Variants in NSMAF observed in about 807,000 individuals in gnomAD.
NSMAF encodes the protein neutral sphingomyelinase activation associated factor.
In NSMAF, 90 loss-of-function variants were observed where a neutral mutation model predicts 134.9. That is an observed-to-expected ratio of 0.67 (90% CI 0.56 to 0.79). NSMAF has a LOEUF of 0.79. NSMAF is among the 30% of genes least tolerant of loss of function. The pLI is 0.00. For synonymous variants in NSMAF, 358 were observed against 389.6 expected (o/e 0.92, Z 0.96); for missense variants, 1,010 against 1,119.0 (o/e 0.90, Z 1.39).
chr8:58,647,134 T>C (rs1807474062), intron 1 of NSMAF, among the ~76,000 whole-genome samples: 1 of 152,232 alleles, frequency 6.6e-6, no homozygotes, highest in African/African-American at 2.4e-5. Flanking sequence ...ATAAGAAGTG[T>C]AACCCAAACT....
rs889755772 is a variant in NSMAF at position 58,659,677 on chromosome 8, C to T, written c.-46G>A. 3.7e-6 allele frequency: 5 copies of T among 1,340,932 alleles called. No homozygotes were observed. The highest frequency in any genetic ancestry group is 4.0e-5 in the Admixed American group (1 of 24,722). 83.1% of individuals were successfully genotyped at this position (1,340,932 alleles called of 1,614,324 possible). On this transcript the variant is annotated 5_prime_UTR_variant, in exon 1 of 31. Transcript: ENST00000038176. ...CGCAGAGCGCACAGGCAGGCCCCGC[C>T]GCCGCCTGCCGAGGAGGTCCGGAGG...
At chr8:58,630,317 CTT>C (rs113530938) in intron 6 of NSMAF, among the ~76,000 whole-genome samples, 23 of 145,124 alleles carry the variant, frequency 1.6e-4, no homozygotes, top group African/African-American at 1.5e-4. Flanking sequence ...CCACCTCACC[CTT>C]TTTTTTTTTT....
intron 6 of NSMAF, among the ~76,000 whole-genome samples, chr8:58,624,615 CAAT>C (rs1258534089): frequency 6.6e-6 from 1 of 151,830 alleles, no homozygotes; most frequent in African/African-American, 2.4e-5. Context: ...AAAATATACA[CAAT>C]ATTATTTTAA....
Position 58,603,831 on chromosome 8 carries a change from T to G in NSMAF, c.869-445A>C, listed in dbSNP as rs79542143. ...AGTTTTCTTTTAGGCTTGGAAGAGA[T>G]GTACTACTGCTAATTTGTCAATGAC... is the stretch of plus-strand genomic sequence containing the variant. On this transcript the variant is annotated intron_variant, in intron 12 of 30. Coordinates refer to ENST00000038176, the MANE Select transcript of NSMAF (RefSeq NM_003580.4). Among the ~76,000 whole-genome samples the G allele has an allele frequency of 2.7e-3, 405 of 152,308 alleles. 8 individuals are homozygous for G. The highest frequency in any genetic ancestry group is 0.017 in the Admixed American group (255 of 15,292).
intron 27 of NSMAF, among the ~76,000 whole-genome samples, chr8:58,587,167 C>A (rs754154836): frequency 6.6e-6 from 1 of 152,244 alleles, no homozygotes; most frequent in African/African-American, 2.4e-5. Context: ...CAAGTGAGAA[C>A]TGAGCCAACA....
chr8:58,650,841 C>G (rs1472398535), intron 1 of NSMAF, among the ~76,000 whole-genome samples: 1 of 152,202 alleles, frequency 6.6e-6, no homozygotes, highest in East Asian at 1.9e-4. Flanking sequence ...AGTCAATAAA[C>G]TGTACTTAGA....
At chr8:58,629,827 A>G (rs1384105161) in intron 6 of NSMAF, among the ~76,000 whole-genome samples, 1 of 151,820 alleles carries the variant, frequency 6.6e-6, no homozygotes, top group Non-Finnish European at 1.5e-5. Flanking sequence ...AGAAGCTTGG[A>G]CTCCTTTGCT....
At chr8:58,590,238 G>A (rs112518043) in intron 24 of NSMAF, among the ~76,000 whole-genome samples, 164 bp from the exon 25 acceptor site, 1 of 152,086 alleles carries the variant, frequency 6.6e-6, no homozygotes, top group Non-Finnish European at 1.5e-5. Flanking sequence ...CCAGCTGTAG[G>A]GTTTTTTCCC....
chr8:58,630,121 T>G (rs1194787895), intron 6 of NSMAF, among the ~76,000 whole-genome samples: 1 of 152,214 alleles, frequency 6.6e-6, no homozygotes, highest in African/African-American at 2.4e-5. Flanking sequence ...GATGGCCAGA[T>G]AGTGACACAA....
rs149999640 is a variant in NSMAF, at chr8:58,649,926, T to C, written c.60-6853A>G. Among the ~76,000 whole-genome samples the C allele has an allele frequency of 7.8e-3, 1,188 of 152,346 alleles. 17 individuals carry two copies. Among genetic ancestry groups the C allele is most frequent in the African/African-American group, 0.027 (1,110 of 41,570 alleles). On this transcript the variant is annotated intron_variant, in intron 1 of 30. Coordinates refer to ENST00000038176, the MANE Select transcript of NSMAF (RefSeq NM_003580.4). ...GGGGACTGGTGACAACAACTTCCTC[T>C]TCTAGTGGTTTATAAATAATCTGTC...
intron 23 of NSMAF, among the ~76,000 whole-genome samples, chr8:58,592,792 C>A (rs761023910): frequency 5.9e-5 from 9 of 151,842 alleles, no homozygotes; most frequent in African/African-American, 9.7e-5. Flanking sequence ...GAGGCTGAGG[C>A]GGGAGAATCG....
chr8:58,640,717 C>T (rs1047993789), intron 2 of NSMAF, among the ~76,000 whole-genome samples: 1 of 151,850 alleles, frequency 6.6e-6, no homozygotes, highest in African/African-American at 2.4e-5. Flanking sequence ...CTTGTCTTTT[C>T]TTTTTTTAAT....
intron 6 of NSMAF, among the ~76,000 whole-genome samples, chr8:58,629,065 C>A (rs1015582831): frequency 6.6e-6 from 1 of 152,150 alleles, no homozygotes; most frequent in Non-Finnish European, 1.5e-5. Flanking sequence ...ATCTGGATGT[C>A]CATCTCCTTC....
intron 1 of NSMAF, among the ~76,000 whole-genome samples, chr8:58,655,514 C>T (rs1453343541): frequency 6.6e-6 from 1 of 151,894 alleles, no homozygotes; most frequent in African/African-American, 2.4e-5. Flanking sequence ...ATCTTCCCAC[C>T]TTTTAATATA....
intron 9 of NSMAF, among the ~76,000 whole-genome samples, chr8:58,614,820 A>G (rs2129143114): frequency 6.6e-6 from 1 of 152,308 alleles, no homozygotes; most frequent in African/African-American, 2.4e-5. Context: ...ATGCATGACT[A>G]TCCTAAGATA....
At chr8:58,640,693 A>C (rs1208214844) in intron 2 of NSMAF, among the ~76,000 whole-genome samples, 4 of 152,126 alleles carry the variant, frequency 2.6e-5, no homozygotes, top group Non-Finnish European at 5.9e-5. Context: ...CTTTATAATT[A>C]AATTCATTTG....
chr8:58,598,858 CA>C (rs1048813322), intron 19 of NSMAF, among the ~76,000 whole-genome samples: 4 of 150,240 alleles, frequency 2.7e-5, no homozygotes, highest in African/African-American at 9.9e-5. Context: ...CCGTCACGAC[CA>C]AAAAAAATAC....
intron 1 of NSMAF, among the ~76,000 whole-genome samples, chr8:58,643,358 C>G (rs1212620572): frequency 6.6e-6 from 1 of 151,944 alleles, no homozygotes; most frequent in African/African-American, 2.4e-5. Flanking sequence ...TTAAACTTAT[C>G]CTTATCTGAA....
intron 9 of NSMAF, among the ~76,000 whole-genome samples, chr8:58,616,928 G>A (rs1456575838): frequency 6.6e-6 from 1 of 152,076 alleles, no homozygotes; most frequent in Non-Finnish European, 1.5e-5. Context: ...CTATGTACCA[G>A]TAACAAATAG....
Sources: gnomAD v4.1 joint callset for allele counts (sites outside exome capture counted in the v4.1 genomes callset) on GRCh38, gnomAD v4.1.1 for gene constraint, MANE v1.5 for transcripts, NCBI Gene and HGNC (gene_info 2026-07-23, HGNC 2026-07-21) for gene names.